The following DCAKD variants were observed in gnomAD, a reference collection of about 807,000 sequenced individuals.
The protein encoded by DCAKD is dephospho-CoA kinase domain containing.
A neutral mutation model predicts 18.7 loss-of-function variants in DCAKD; 15 were observed. The observed-to-expected ratio is 0.80, with a 90% CI of 0.54 to 1.24. The LOEUF is 1.24. Ranked by LOEUF, DCAKD falls within the 50% of genes most tolerant of loss-of-function variation. The pLI, the probability that DCAKD is intolerant of heterozygous loss-of-function variation, is 0.00. For synonymous variants in DCAKD, 130 were observed against 133.0 expected (o/e 0.98, Z 0.16); for missense variants, 301 against 322.0 (o/e 0.93, Z 0.50).
At position 45,041,406 on chromosome 17, in the gene DCAKD, G is replaced by A. The variant is rs2053433032; in HGVS notation, c.-114-6407C>T. ...GGCTCACTGCAACTCCGCCTCCCGGGTTCACGCCATTCTGCTGCCTCAGCC... is the reference window on the plus strand; with the variant it reads ...GGCTCACTGCAACTCCGCCTCCCGGATTCACGCCATTCTGCTGCCTCAGCC... On this transcript the variant is annotated intron_variant, in intron 1 of 4. Coordinates refer to ENST00000651974, the MANE Select transcript of DCAKD (RefSeq NM_001288655.2). 3.9e-5 allele frequency among the ~76,000 whole-genome samples: 6 copies of A among 151,908 alleles called. No homozygotes were observed. The South Asian group carries it at 1.2e-3, about 32-fold the overall frequency.
rs560738780 is a variant in DCAKD at position 45,032,164 on chromosome 17, G to C, written c.317-1985C>G. 4.1e-6 allele frequency: 4 copies of C among 979,148 alleles called. No individual in the cohort carries two copies. In the South Asian group the frequency reaches 1.9e-4, roughly 46 times the overall value. 60.7% of individuals were successfully genotyped at this position (979,148 alleles called of 1,614,324 possible). On this transcript the variant is annotated intron_variant, in intron 3 of 4. Coordinates refer to ENST00000651974, the MANE Select transcript of DCAKD (RefSeq NM_001288655.2). Reference sequence around the variant, plus strand: ...GCAGAAAGGGCAGGAATGAAAGGCAGATGACTTCACTCTGGGTGGGGGACG... The same window carrying C: ...GCAGAAAGGGCAGGAATGAAAGGCACATGACTTCACTCTGGGTGGGGGACG...
intron 3 of DCAKD, chr17:45,031,798 A>T (rs889693601): frequency 2.5e-5 from 25 of 985,286 alleles, no homozygotes; most frequent in Non-Finnish European, 3.0e-5. Flanking sequence ...TGACTCTATT[A>T]AGACATCCGT....
At chr17:45,026,229 T>TC (rs1438161483) in intron 4 of DCAKD, among the ~76,000 whole-genome samples, 42 of 148,428 alleles carry the variant, frequency 2.8e-4, no homozygotes, top group African/African-American at 9.7e-4. Context: ...TTTTTTTTTT[T>TC]TTTTTTTTCT....
At chr17:45,042,347 C>A (rs1322420727) in intron 1 of DCAKD, among the ~76,000 whole-genome samples, 1 of 152,144 alleles carries the variant, frequency 6.6e-6, no homozygotes, top group Non-Finnish European at 1.5e-5. Context: ...ACTCTGTCAC[C>A]TTCTTCCCTT....
chr17:45,057,499 T>TG (rs1415724993), intron 1 of DCAKD, among the ~76,000 whole-genome samples: 1 of 151,550 alleles, frequency 6.6e-6, no homozygotes, highest in African/African-American at 2.4e-5. Context: ...GCTCAGGAGT[T>TG]GGAGACCAGC....
intron 1 of DCAKD, among the ~76,000 whole-genome samples, chr17:45,051,033 C>T (rs772217236): frequency 2.6e-5 from 4 of 152,230 alleles, no homozygotes; most frequent in African/African-American, 9.7e-5. Context: ...GAGATGATCA[C>T]TCAGCTCAAC....
At chr17:45,029,719 C>A (rs1008962940) in intron 4 of DCAKD, among the ~76,000 whole-genome samples, 3 of 152,146 alleles carry the variant, frequency 2.0e-5, no homozygotes, top group Non-Finnish European at 4.4e-5. Flanking sequence ...AATATCAACA[C>A]CTGTCCTGAC....
chr17:45,031,670 C>T, intron 3 of DCAKD: 4 of 985,414 alleles, frequency 4.1e-6, no homozygotes, highest in Non-Finnish European at 4.8e-6. Context: ...CACTTCCTCT[C>T]CCCTTGCTGT....
intron 1 of DCAKD, among the ~76,000 whole-genome samples, chr17:45,039,866 G>A (rs1268439795): frequency 6.6e-6 from 1 of 152,240 alleles, no homozygotes; most frequent in Non-Finnish European, 1.5e-5. Flanking sequence ...GCCAAGGTGG[G>A]CGGATCACTT....
upstream of DCAKD, among the ~76,000 whole-genome samples, chr17:45,052,887 G>A (rs2053736397): frequency 6.6e-6 from 1 of 151,340 alleles, no homozygotes; most frequent in African/African-American, 2.4e-5. Flanking sequence ...ATCTAGGCCG[G>A]GCGCTGTGGC....
chr17:45,057,472 G>A (rs566721448), intron 1 of DCAKD, among the ~76,000 whole-genome samples: 10 of 152,148 alleles, frequency 6.6e-5, no homozygotes, highest in African/African-American at 2.4e-4. Context: ...GGAGGCCGAG[G>A]CAGGCGGATT....
intron 1 of DCAKD, among the ~76,000 whole-genome samples, chr17:45,043,132 C>G (rs8070631): frequency 0.23 from 34,842 of 151,978 alleles, 4,671 homozygotes; most frequent in African/African-American, 0.36. Flanking sequence ...AATTCAGCAT[C>G]CTGAGCTTCT....
At chr17:45,028,554 C>A (rs2053106991) in intron 4 of DCAKD, among the ~76,000 whole-genome samples, 1 of 150,896 alleles carries the variant, frequency 6.6e-6, no homozygotes, top group African/African-American at 2.4e-5. Flanking sequence ...GGATTACAGG[C>A]ATGCACCACC....
At chr17:45,048,438 GA>G (rs1437052729) in intron 1 of DCAKD, among the ~76,000 whole-genome samples, 1 of 152,046 alleles carries the variant, frequency 6.6e-6, no homozygotes, top group Admixed American at 6.5e-5. Flanking sequence ...AGGAGTTTGA[GA>G]CCTGCCTGGC....
intron 3 of DCAKD, among the ~76,000 whole-genome samples, chr17:45,030,560 G>A (rs2143200119): frequency 6.6e-6 from 1 of 152,360 alleles, no homozygotes; most frequent in East Asian, 1.9e-4. Flanking sequence ...GAGGCAAGGA[G>A]GTGATCAGGG....
chr17:45,031,540 A>G, intron 3 of DCAKD: 1 of 985,396 alleles, frequency 1.0e-6, no homozygotes, highest in Non-Finnish European at 1.2e-6. Flanking sequence ...AGGTGCCCCA[A>G]AATGATAGTT....
At chr17:45,060,649 C>T (rs558674491) in intron 1 of DCAKD, among the ~76,000 whole-genome samples, 2 of 152,358 alleles carry the variant, frequency 1.3e-5, no homozygotes, top group Middle Eastern at 3.4e-3. Flanking sequence ...GATGAGGCGG[C>T]GAGCCCTGCC....
At chr17:45,031,056 G>A (rs2143203107) in intron 3 of DCAKD, 1 of 985,380 alleles carries the variant, frequency 1.0e-6, no homozygotes, top group South Asian at 4.7e-5. Context: ...GAGCAAGAAG[G>A]GTAAGAGATA....
At chr17:45,029,110 G>T (rs905410566) in intron 4 of DCAKD, among the ~76,000 whole-genome samples, 1 of 152,210 alleles carries the variant, frequency 6.6e-6, no homozygotes, top group Non-Finnish European at 1.5e-5. Context: ...CCTGACCTTA[G>T]TTAGCCTCTC....
Sources: gnomAD v4.1 joint callset for allele counts (sites outside exome capture counted in the v4.1 genomes callset) on GRCh38, gnomAD v4.1.1 for gene constraint, MANE v1.5 for transcripts, NCBI Gene and HGNC (gene_info 2026-07-23, HGNC 2026-07-21) for gene names.